The following TCEA3 variants were observed in gnomAD, a reference collection of about 807,000 sequenced individuals.
TCEA3 encodes the protein transcription elongation factor A protein 3.
Under a neutral mutation model 44.0 loss-of-function variants are expected in TCEA3, and 36 were observed. The ratio of observed to expected loss-of-function variants is 0.82; its 90% CI spans 0.63 to 1.08. The LOEUF is 1.08. Among genes scored for constraint, TCEA3 ranks in the 50% least tolerant of loss-of-function variants. The pLI is 0.00. For missense variants in TCEA3, 392 were observed against 441.2 expected, an observed-to-expected ratio of 0.89 and a Z score of 1.00; for synonymous variants, 162 against 159.7, an observed-to-expected ratio of 1.01 and a Z score of -0.11.
At chr1:23,405,374 A>G (rs1639514115) in intron 5 of TCEA3, among the ~76,000 whole-genome samples, 1 of 152,108 alleles carries the variant, frequency 6.6e-6, no homozygotes, top group Admixed American at 6.6e-5. Context: ...AAGAGGGTGG[A>G]TCACAAGGTC....
chr1:23,405,703 G>C (rs138926906), intron 5 of TCEA3, among the ~76,000 whole-genome samples: 38 of 152,274 alleles, frequency 2.5e-4, no homozygotes, highest in African/African-American at 9.1e-4. Context: ...AACAGATTCT[G>C]TTTGACTGAC....
At chr1:23,392,448 A>ACACACATACTCCACACATCATACACACTG (rs2148552097) in intron 8 of TCEA3, among the ~76,000 whole-genome samples, 1 of 24,930 alleles carries the variant, frequency 4.0e-5, no homozygotes. Context: ...CATGCACAAT[A>ACACACATACTCCACACATCATACACACTG]CACACACACT....
intron 4 of TCEA3, among the ~76,000 whole-genome samples, chr1:23,414,838 T>G (rs1160334598): frequency 6.6e-6 from 1 of 152,154 alleles, no homozygotes; most frequent in Non-Finnish European, 1.5e-5. Flanking sequence ...ATTTTATTTT[T>G]AAGAAGAAAG....
chr1:23,381,590 G>A (rs1213598608), intron 10 of TCEA3, 116 bp from the exon 11 acceptor site: 49 of 730,944 alleles, frequency 6.7e-5, no homozygotes, highest in Middle Eastern at 2.4e-4. Context: ...AGAGTCCAAA[G>A]CCCAGCTCTG....
chr1:23,402,087 T>A (rs535914237), intron 5 of TCEA3, among the ~76,000 whole-genome samples: 1 of 152,270 alleles, frequency 6.6e-6, no homozygotes, highest in South Asian at 2.1e-4. Flanking sequence ...ATGCCTAAAG[T>A]CCCAGCACTT....
At chr1:23,423,138 T>C (rs1640114431) in intron 1 of TCEA3, among the ~76,000 whole-genome samples, 1 of 151,856 alleles carries the variant, frequency 6.6e-6, no homozygotes, top group Non-Finnish European at 1.5e-5. Flanking sequence ...TGTGGAGGAG[T>C]CTGGAACGGG....
At chr1:23,391,062 C>T (rs1221220295) in intron 8 of TCEA3, among the ~76,000 whole-genome samples, 2 of 151,572 alleles carry the variant, frequency 1.3e-5, no homozygotes, top group Non-Finnish European at 2.9e-5. Context: ...CACATGGGTT[C>T]CTGATGGGCG....
intron 3 of TCEA3, 133 bp downstream of exon 3, chr1:23,417,771 G>A (rs1297674177): frequency 3.5e-5 from 28 of 806,334 alleles, no homozygotes; most frequent in Non-Finnish European, 4.9e-5. Flanking sequence ...GCTACCTCCC[G>A]GATCCAGAGG....
Position 23,397,789 on chromosome 1 carries a change from C to G in TCEA3, c.607+3G>C, listed in dbSNP as rs773733710. 4 of 1,613,966 alleles carry G rather than the reference C, an allele frequency of 2.5e-6. No individual in the cohort carries two copies. The African/African-American group carries it at 5.3e-5, about 22-fold the overall frequency. Reference sequence around the variant, plus strand: ...CCCTCATCCCTAGCCCAGGCTCTCTCACCGTCCGCCTTCAGGGCTGCTGAC... The same window carrying G: ...CCCTCATCCCTAGCCCAGGCTCTCTGACCGTCCGCCTTCAGGGCTGCTGAC... On this transcript the variant is annotated splice_donor_region_variant and intron_variant, in intron 6 of 10. Coordinates refer to ENST00000450454, the MANE Select transcript of TCEA3 (RefSeq NM_003196.3).
At chr1:23,391,585 T>C (rs558979250) in intron 8 of TCEA3, among the ~76,000 whole-genome samples, 14 of 152,212 alleles carry the variant, frequency 9.2e-5, no homozygotes, top group South Asian at 2.1e-4. Flanking sequence ...CACTAGACAC[T>C]GAATCTGCTG....
chr1:23,399,164 A>G (rs955534863), intron 5 of TCEA3, among the ~76,000 whole-genome samples: 2 of 127,588 alleles, frequency 1.6e-5, no homozygotes, highest in African/African-American at 6.2e-5. Flanking sequence ...ATATATATAT[A>G]TATATATATA....
Position 23,393,739 on chromosome 1 carries a change from CA to C in TCEA3, c.819+139del, listed in dbSNP as rs541597761. 1.2e-3 allele frequency: 1,396 copies of C among 1,143,986 alleles called. 21 individuals carry two copies. The African/African-American group carries it at 0.019, about 15-fold the overall frequency. The allele number at this position is 1,143,986 out of a possible 1,614,324, so 70.9% of individuals were successfully genotyped here. ...TTCAGTATCCTGCTAGTCCAGAGCC[CA>C]GGGGGGAGGCTGAGATGAGGCTGGT... On this transcript the variant is annotated intron_variant, in intron 8 of 10. Coordinates refer to ENST00000450454, the MANE Select transcript of TCEA3 (RefSeq NM_003196.3).
intron 8 of TCEA3, among the ~76,000 whole-genome samples, chr1:23,393,515 C>T (rs932676244): frequency 2.0e-5 from 3 of 152,150 alleles, no homozygotes; most frequent in African/African-American, 4.8e-5. Flanking sequence ...CACAACCTAG[C>T]GCTGGGGCCA....
At chr1:23,388,230 G>A (rs1265562412) in intron 8 of TCEA3, among the ~76,000 whole-genome samples, 7 of 146,218 alleles carry the variant, frequency 4.8e-5, no homozygotes, top group Non-Finnish European at 7.4e-5. Flanking sequence ...ATGGAGTCTC[G>A]CTCTGTCACC....
chr1:23,400,189 T>G (rs1639356470), intron 5 of TCEA3, among the ~76,000 whole-genome samples: 1 of 152,148 alleles, frequency 6.6e-6, no homozygotes, highest in Non-Finnish European at 1.5e-5. Context: ...GTTTATTCTT[T>G]TTGGTAACCC....
intron 4 of TCEA3, among the ~76,000 whole-genome samples, chr1:23,417,003 G>A (rs957546275): frequency 3.3e-5 from 5 of 152,022 alleles, no homozygotes; most frequent in East Asian, 1.9e-4. Context: ...AGGCCCTCCC[G>A]CAGACGCACT....
intron 1 of TCEA3, among the ~76,000 whole-genome samples, chr1:23,421,691 C>A (rs1160930396): frequency 6.6e-6 from 1 of 152,164 alleles, no homozygotes; most frequent in Non-Finnish European, 1.5e-5. Flanking sequence ...TATCTCTGAC[C>A]ATACATGACA....
chr1:23,424,502 G>T, intron 1 of TCEA3, 63 bp downstream of exon 1: 1 of 1,495,778 alleles, frequency 6.7e-7, no homozygotes, highest in Non-Finnish European at 9.2e-7. Context: ...CCCCACCCCG[G>T]AATCCGGGGC....
intron 4 of TCEA3, among the ~76,000 whole-genome samples, chr1:23,413,426 C>A (rs369232344): frequency 2.0e-5 from 3 of 151,422 alleles, no homozygotes; most frequent in East Asian, 3.9e-4. Flanking sequence ...CTTTGCCCAG[C>A]CCATATGTAT....
Sources: allele counts gnomAD v4.1 joint callset (sites outside exome capture counted in the v4.1 genomes callset), GRCh38; gene constraint gnomAD v4.1.1; transcripts MANE v1.5; gene names NCBI Gene and HGNC (gene_info 2026-07-23, HGNC 2026-07-21).